Variants in CTTNBP2 observed in about 807,000 individuals in gnomAD.
The protein encoded by CTTNBP2 is cortactin-binding protein 2.
Under a neutral mutation model 156.9 loss-of-function variants are expected in CTTNBP2, and 108 were observed. The ratio of observed to expected loss-of-function variants is 0.69; its 90% CI spans 0.59 to 0.81. The LOEUF (loss-of-function observed/expected upper bound fraction) is 0.81, where lower values mean the gene tolerates loss of function less well. Among genes scored for constraint, CTTNBP2 ranks in the 30% least tolerant of loss-of-function variants. The pLI is 0.00. For synonymous variants in CTTNBP2, 767 were observed against 751.8 expected (o/e 1.02, Z -0.33); for missense variants, 1,924 against 2,035.4 (o/e 0.95, Z 1.05).
intron 2 of CTTNBP2, among the ~76,000 whole-genome samples, chr7:117,854,771 A>ATTT (rs1563070205): frequency 9.4e-5 from 14 of 148,786 alleles, no homozygotes; most frequent in African/African-American, 3.6e-4. Flanking sequence ...TAGATGATTT[A>ATTT]ATTAATTAAT....
chr7:117,742,200 C>T (rs1483058971), intron 14 of CTTNBP2, among the ~76,000 whole-genome samples: 1 of 152,210 alleles, frequency 6.6e-6, no homozygotes. Flanking sequence ...ATTTTAATCA[C>T]TAGTCTATAA....
intron 11 of CTTNBP2, among the ~76,000 whole-genome samples, chr7:117,757,528 T>TAAAAAAAAAAAAA (rs56687697): frequency 2.2e-5 from 2 of 91,440 alleles, no homozygotes; most frequent in African/African-American, 3.8e-5. Context: ...TTAAGCACAG[T>TAAAAAAAAAAAAA]AAAAAAAAAA....
chr7:117,715,107 T>C (rs923954719), intron 22 of CTTNBP2, among the ~76,000 whole-genome samples: 5 of 152,158 alleles, frequency 3.3e-5, no homozygotes, highest in Non-Finnish European at 4.4e-5. Flanking sequence ...TAAGAAGATA[T>C]TGTAATTCCT....
In CTTNBP2 at chr7:117,782,894, G is replaced by C. The variant is rs990512056; in HGVS notation, c.2340C>G (p.Pro780=). 1 of 1,613,862 alleles carries C rather than the reference G, an allele frequency of 6.2e-7. No homozygotes were observed. Among genetic ancestry groups the C allele is most frequent in the South Asian group, 1.1e-5 (1 of 91,060 alleles). ...VNAADKNGFT[P]LCAAAAQGHF... ...GTCCCTGAGCAGCTGCAGCACACAAGGGTGTGAAGCCATTTTTATCAGCAG... is the reference window on the plus strand; with the variant it reads ...GTCCCTGAGCAGCTGCAGCACACAACGGTGTGAAGCCATTTTTATCAGCAG... The change falls in exon 6 of 23, where the codon CCC becomes CCG. Residue 780 remains proline, a synonymous_variant. Coordinates refer to ENST00000160373, the MANE Select transcript of CTTNBP2 (RefSeq NM_033427.3).
intron 1 of CTTNBP2, among the ~76,000 whole-genome samples, chr7:117,864,227 A>T (rs1803959080): frequency 6.6e-6 from 1 of 152,150 alleles, no homozygotes; most frequent in African/African-American, 2.4e-5. Context: ...TGGTACAAGC[A>T]TTCTTGCTAA....
intron 2 of CTTNBP2, among the ~76,000 whole-genome samples, chr7:117,841,248 T>G (rs999064409): frequency 6.6e-6 from 1 of 152,176 alleles, no homozygotes; most frequent in African/African-American, 2.4e-5. Context: ...CATCTGTCAT[T>G]GTAGCCTCTG....
intron 22 of CTTNBP2, among the ~76,000 whole-genome samples, chr7:117,712,012 CAG>C (rs531807664): frequency 1.7e-3 from 262 of 152,278 alleles, no homozygotes; most frequent in African/African-American, 6.3e-3. Flanking sequence ...ATACAGGAGT[CAG>C]TGAATCAAGT....
Position 117,760,693 on chromosome 7 carries a change from AG to A in CTTNBP2, c.2913del (p.Leu972Ter). On this transcript the variant is annotated frameshift_variant, in exon 10 of 23. Transcript: ENST00000160373. LOFTEE classifies it high-confidence loss of function. ...TCAATCTCACCCACTGAAATCCTTA[AG>A]GGTATTTTAAGAGCATCTGTTAGAA... ...LLENLNALKI[P>X]LRISVGEIEP... 12 of 1,610,590 alleles carry A rather than the reference AG, an allele frequency of 7.5e-6. No homozygotes were observed. Among genetic ancestry groups the A allele is most frequent in the Non-Finnish European group, 1.0e-5 (12 of 1,177,140 alleles).
At chr7:117,805,981 C>T (rs1356019246) in intron 3 of CTTNBP2, among the ~76,000 whole-genome samples, 1 of 152,132 alleles carries the variant, frequency 6.6e-6, no homozygotes, top group Non-Finnish European at 1.5e-5. Flanking sequence ...GATGGCAGGA[C>T]CACATACTAA....
At chr7:117,758,825 T>C (rs1359083461) in intron 10 of CTTNBP2, among the ~76,000 whole-genome samples, 1 of 152,218 alleles carries the variant, frequency 6.6e-6, no homozygotes, top group Non-Finnish European at 1.5e-5. Context: ...GGGTGCTCTA[T>C]ACCTCTGAGA....
chr7:117,856,130 T>C (rs1028032138), intron 2 of CTTNBP2, among the ~76,000 whole-genome samples: 2 of 152,222 alleles, frequency 1.3e-5, no homozygotes, highest in Non-Finnish European at 2.9e-5. Context: ...CAGCCAGCCA[T>C]GGCCATTTTC....
At position 117,791,284 on chromosome 7, in the gene CTTNBP2, C is replaced by A. The variant is rs1379818744; in HGVS notation, c.1912G>T (p.Ala638Ser). Reference sequence around the variant, plus strand: ...AGTCCGGGGGTTGCAGCAGGCCAGGCACCCACCTGAGACGTGGCCAGGGCT... The same window carrying A: ...AGTCCGGGGGTTGCAGCAGGCCAGGAACCCACCTGAGACGTGGCCAGGGCT... ...VSALATSQVG[A>S]WPAATPGLNQ... Residue 638 changes from alanine to serine, a missense_variant, in exon 4 of 23, where the codon GCC (alanine) becomes TCC (serine). Physicochemically the swap from Ala to Ser is moderately conservative, Grantham distance 99 (BLOSUM62 1). Coordinates refer to ENST00000160373, the MANE Select transcript of CTTNBP2 (RefSeq NM_033427.3). 5.6e-6 allele frequency: 9 copies of A among 1,614,002 alleles called. No homozygotes were observed. The highest frequency in any genetic ancestry group is 6.8e-6 in the Non-Finnish European group (8 of 1,180,032).
At position 117,711,503 on chromosome 7, in the gene CTTNBP2, G is replaced by C. The variant is rs923150121; in HGVS notation, c.*34C>G. 1 of 1,583,940 alleles carries C rather than the reference G, an allele frequency of 6.3e-7. No homozygotes were observed. Among genetic ancestry groups the C allele is most frequent in the Non-Finnish European group, 8.6e-7 (1 of 1,167,378 alleles). On this transcript the variant is annotated 3_prime_UTR_variant, in exon 23 of 23. Coordinates refer to ENST00000160373, the MANE Select transcript of CTTNBP2 (RefSeq NM_033427.3). The stretch of plus-strand genomic sequence containing the variant: ...TTGTCCTTGGTTTCTGTGTGAAATA[G>C]AGGAAGTTAATAATGAGAATATTGT...
intron 3 of CTTNBP2, among the ~76,000 whole-genome samples, chr7:117,798,607 G>T (rs572905668): frequency 1.3e-5 from 2 of 152,078 alleles, no homozygotes; most frequent in Non-Finnish European, 2.9e-5. Flanking sequence ...AGCTAAGGCC[G>T]ATATGGCTTT....
intron 9 of CTTNBP2, among the ~76,000 whole-genome samples, chr7:117,762,186 T>C (rs998166517): frequency 1.3e-5 from 2 of 152,206 alleles, no homozygotes; most frequent in African/African-American, 2.4e-5. Context: ...TCCAGTCCCA[T>C]GACTTTAAAT....
intron 2 of CTTNBP2, among the ~76,000 whole-genome samples, chr7:117,823,951 C>T (rs200432868): frequency 7.0e-6 from 1 of 143,416 alleles, no homozygotes; most frequent in Non-Finnish European, 1.5e-5. Flanking sequence ...TCTTTCAGGT[C>T]TTTTTTTTTT....
chr7:117,780,357 ATTTAT>A (rs1798349529), intron 7 of CTTNBP2, 79 bp downstream of exon 7: 2 of 926,436 alleles, frequency 2.2e-6, no homozygotes, highest in Non-Finnish European at 3.1e-6. Context: ...CTCTATTTTA[ATTTAT>A]TTTGTTTTTC....
At chr7:117,806,957 C>T (rs1462340749) in intron 3 of CTTNBP2, among the ~76,000 whole-genome samples, 1 of 151,888 alleles carries the variant, frequency 6.6e-6, no homozygotes, top group African/African-American at 2.4e-5. Context: ...CAGGGTTTCA[C>T]CATGTTGGTC....
chr7:117,766,085 T>C (rs1176628862), intron 9 of CTTNBP2, among the ~76,000 whole-genome samples: 1 of 152,228 alleles, frequency 6.6e-6, no homozygotes, highest in Non-Finnish European at 1.5e-5. Flanking sequence ...TGACAGCATT[T>C]ACATTCCATA....
Sources: allele counts gnomAD v4.1 joint callset (sites outside exome capture counted in the v4.1 genomes callset), GRCh38; gene constraint gnomAD v4.1.1; transcripts MANE v1.5; gene names NCBI Gene and HGNC (gene_info 2026-07-23, HGNC 2026-07-21).